Variants in KCNMA1 observed in about 807,000 individuals in gnomAD.
The protein encoded by KCNMA1 is Calcium-activated potassium channel subunit alpha-1.
In KCNMA1, 29 loss-of-function variants were observed where a neutral mutation model predicts 140.0. The ratio of observed to expected loss-of-function variants is 0.21; its 90% confidence interval spans 0.15 to 0.28. The LOEUF (loss-of-function observed/expected upper bound fraction) is 0.28, where lower values mean the gene tolerates loss of function less well. Ranked by LOEUF, KCNMA1 falls within the 10% of genes least tolerant of loss-of-function variation. The pLI, the probability that KCNMA1 is intolerant of heterozygous loss-of-function variation, is 1.00. For missense variants in KCNMA1, 880 were observed against 1,602.2 expected, an observed-to-expected ratio of 0.55 and a Z score of 7.70; for synonymous variants, 612 against 611.9, an observed-to-expected ratio of 1.00 and a Z score of 0.00.
intron 5 of KCNMA1, among the ~76,000 whole-genome samples, chr10:77,153,358 A>G (rs1432328671): frequency 6.6e-6 from 1 of 152,034 alleles, no homozygotes; most frequent in Non-Finnish European, 1.5e-5. Context: ...TTCTGATTTC[A>G]TCTTCTTTTT....
chr10:77,290,061 G>A (rs937278534), intron 2 of KCNMA1, among the ~76,000 whole-genome samples: 2 of 152,138 alleles, frequency 1.3e-5, no homozygotes, highest in Non-Finnish European at 2.9e-5. Context: ...TGCGGTAAAG[G>A]CACAGTTCCA....
chr10:77,536,015 T>C (rs2058801667), intron 1 of KCNMA1, among the ~76,000 whole-genome samples: 1 of 152,202 alleles, frequency 6.6e-6, no homozygotes, highest in African/African-American at 2.4e-5. Flanking sequence ...TTATTCTACA[T>C]TTCAAAATAG....
intron 2 of KCNMA1, among the ~76,000 whole-genome samples, chr10:77,342,886 T>A (rs2091293547): frequency 6.6e-6 from 1 of 151,952 alleles, no homozygotes; most frequent in Non-Finnish European, 1.5e-5. Context: ...CACACATTGG[T>A]TTTTAATAAC....
intron 20 of KCNMA1, among the ~76,000 whole-genome samples, chr10:76,968,632 C>T (rs1475312910): frequency 6.6e-6 from 1 of 152,180 alleles, no homozygotes; most frequent in Non-Finnish European, 1.5e-5. Context: ...ACACTGGCAT[C>T]ATAAAAACGA....
At chr10:77,552,404 G>T (rs1474598309) in intron 1 of KCNMA1, among the ~76,000 whole-genome samples, 2 of 152,158 alleles carry the variant, frequency 1.3e-5, no homozygotes, top group South Asian at 4.1e-4. Context: ...AACAAGAAGT[G>T]CATAAACACA....
downstream of KCNMA1, chr10:76,874,149 C>G (rs1029372979): frequency 3.9e-5 from 6 of 152,074 alleles, no homozygotes; most frequent in African/African-American, 1.2e-4. Flanking sequence ...CAACGTGATG[C>G]AGGTGTGTCC....
intron 5 of KCNMA1, among the ~76,000 whole-genome samples, chr10:77,154,632 GTATC>G (rs1313637686): frequency 1.3e-5 from 2 of 152,228 alleles, no homozygotes; most frequent in South Asian, 2.1e-4. Context: ...ATGTCCATCT[GTATC>G]TATATAGAGA....
intron 1 of KCNMA1, among the ~76,000 whole-genome samples, chr10:77,421,755 T>G (rs1603560356): frequency 6.6e-6 from 1 of 152,370 alleles, no homozygotes; most frequent in South Asian, 2.1e-4. Flanking sequence ...CAGCCTGTGG[T>G]GTGCCAGCTC....
chr10:77,025,242 GTATATATATATATATATATATA>G (rs1183311699), intron 16 of KCNMA1, among the ~76,000 whole-genome samples: 774 of 42,792 alleles, frequency 0.018, 40 homozygotes, highest in African/African-American at 0.052. Flanking sequence ...GGGTGTGTGT[GTATATATATATATATATATATA>G]TATATATATA....
At chr10:77,197,087 A>C (rs917187062) in intron 3 of KCNMA1, among the ~76,000 whole-genome samples, 4 of 152,222 alleles carry the variant, frequency 2.6e-5, no homozygotes, top group African/African-American at 9.6e-5. Flanking sequence ...AATGATGTTG[A>C]ATGCAGTGCC....
intron 19 of KCNMA1, among the ~76,000 whole-genome samples, chr10:76,979,222 T>C (rs553333191): frequency 6.6e-6 from 1 of 152,302 alleles, no homozygotes; most frequent in South Asian, 2.1e-4. Context: ...CAACAAACAC[T>C]TCCTCGTGGA....
At chr10:77,525,846 C>A (rs1330143504) in intron 1 of KCNMA1, among the ~76,000 whole-genome samples, 1 of 152,174 alleles carries the variant, frequency 6.6e-6, no homozygotes, top group Non-Finnish European at 1.5e-5. Context: ...TGTCTTGCAC[C>A]TCAGATAAAC....
intron 20 of KCNMA1, among the ~76,000 whole-genome samples, chr10:76,965,795 C>G (rs923032822): frequency 7.9e-5 from 12 of 152,094 alleles, no homozygotes; most frequent in Admixed American, 4.6e-4. Context: ...AGTTAGGACT[C>G]AGTGAGTTAC....
intron 1 of KCNMA1, among the ~76,000 whole-genome samples, chr10:77,556,127 T>C (rs1405783090): frequency 2.6e-5 from 4 of 152,334 alleles, no homozygotes; most frequent in Non-Finnish European, 5.9e-5. Context: ...AGAGGAACCA[T>C]GGGCAAATTA....
At chr10:77,213,523 T>C (rs749679145) in intron 3 of KCNMA1, among the ~76,000 whole-genome samples, 1 of 152,306 alleles carries the variant, frequency 6.6e-6, no homozygotes, top group Non-Finnish European at 1.5e-5. Flanking sequence ...GAAACTGTAA[T>C]CAGGAGACAA....
intron 18 of KCNMA1, among the ~76,000 whole-genome samples, chr10:77,002,249 A>C (rs1306262588): frequency 6.6e-6 from 1 of 152,212 alleles, no homozygotes; most frequent in Non-Finnish European, 1.5e-5. Context: ...CATATAAGAA[A>C]TGCAGCTACT....
intron 2 of KCNMA1, among the ~76,000 whole-genome samples, chr10:77,350,965 C>T (rs1362141383): frequency 6.6e-6 from 1 of 152,204 alleles, no homozygotes. Flanking sequence ...TCTCTCCCTG[C>T]AGTCCCAACT....
At chr10:76,990,350 C>T (rs142320066) in intron 19 of KCNMA1, among the ~76,000 whole-genome samples, 61 of 152,312 alleles carry the variant, frequency 4.0e-4, no homozygotes, top group African/African-American at 1.2e-3. Context: ...CCTGCTCTGA[C>T]GTTTCCTAGA....
intron 1 of KCNMA1, among the ~76,000 whole-genome samples, chr10:77,574,425 G>A (rs940214932): frequency 1.9e-4 from 29 of 152,156 alleles, no homozygotes; most frequent in African/African-American, 6.8e-4. Context: ...CTAGATGACT[G>A]CCTCTGAATC....
Sources: gnomAD v4.1 joint callset for allele counts (sites outside exome capture counted in the v4.1 genomes callset) on GRCh38, gnomAD v4.1.1 for gene constraint, MANE v1.5 for transcripts, NCBI Gene and HGNC (gene_info 2026-07-23, HGNC 2026-07-21) for gene names.